Variants in LRRC4C observed in about 807,000 individuals in gnomAD.
LRRC4C encodes the protein leucine-rich repeat-containing protein 4C.
In LRRC4C, 5 loss-of-function variants were observed where a neutral mutation model predicts 33.6. The ratio of observed to expected loss-of-function variants is 0.15; its 90% CI spans 0.08 to 0.31. The LOEUF (loss-of-function observed/expected upper bound fraction) is 0.31. LRRC4C is among the 10% of genes least tolerant of loss of function. The pLI, the probability that LRRC4C is intolerant of heterozygous loss-of-function variation, is 1.00. For synonymous variants in LRRC4C, 329 were observed against 302.0 expected, an observed-to-expected ratio of 1.09 and a Z score of -0.93; for missense variants, 560 against 796.7, an observed-to-expected ratio of 0.70 and a Z score of 3.58.
At chr11:41,025,846 T>C (rs934709565) in intron 1 of LRRC4C, among the ~76,000 whole-genome samples, 3 of 151,786 alleles carry the variant, frequency 2.0e-5, no homozygotes, top group African/African-American at 7.2e-5. Flanking sequence ...CTGTGTTCTA[T>C]AAATGGAACC....
intron 5 of LRRC4C, among the ~76,000 whole-genome samples, chr11:40,218,052 T>A (rs1311415651): frequency 2.6e-5 from 4 of 152,148 alleles, no homozygotes; most frequent in Admixed American, 2.0e-4. Context: ...GTCAATATAA[T>A]TGAGAAGGTT....
chr11:40,774,138 C>T (rs917684477), intron 2 of LRRC4C, among the ~76,000 whole-genome samples: 6 of 152,018 alleles, frequency 3.9e-5, no homozygotes, highest in Non-Finnish European at 8.8e-5. Context: ...TTTCACTTAG[C>T]ATAATATCTT....
intron 2 of LRRC4C, among the ~76,000 whole-genome samples, chr11:40,710,796 C>T (rs1169666035): frequency 6.6e-6 from 1 of 152,210 alleles, no homozygotes; most frequent in Non-Finnish European, 1.5e-5. Context: ...CTATACCCTG[C>T]CCCCAGAGGT....
At chr11:40,595,763 G>T (rs1477357684) in intron 3 of LRRC4C, among the ~76,000 whole-genome samples, 2 of 152,052 alleles carry the variant, frequency 1.3e-5, no homozygotes, top group Non-Finnish European at 2.9e-5. Flanking sequence ...GAAATAGCCT[G>T]TGTATATTTC....
chr11:40,351,374 G>T (rs1796274965), intron 3 of LRRC4C, among the ~76,000 whole-genome samples: 1 of 151,824 alleles, frequency 6.6e-6, no homozygotes, highest in Non-Finnish European at 1.5e-5. Context: ...TGTGCATTCT[G>T]CAGCTACTGG....
intron 1 of LRRC4C, among the ~76,000 whole-genome samples, chr11:41,442,378 T>A (rs1257775197): frequency 6.6e-6 from 1 of 150,710 alleles, no homozygotes; most frequent in Non-Finnish European, 1.5e-5. Context: ...TATGAAAAAA[T>A]AATGGCAAAT....
chr11:40,921,578 C>G (rs904397053), intron 2 of LRRC4C, among the ~76,000 whole-genome samples: 13 of 152,050 alleles, frequency 8.5e-5, no homozygotes, highest in African/African-American at 2.7e-4. Context: ...TTCTGTCAGA[C>G]AGGATTATAA....
intron 3 of LRRC4C, among the ~76,000 whole-genome samples, chr11:40,458,849 G>A (rs1252271662): frequency 6.6e-6 from 1 of 152,092 alleles, no homozygotes; most frequent in African/African-American, 2.4e-5. Flanking sequence ...CAGAGAGAAT[G>A]TTTTCCTAGG....
chr11:40,259,939 C>T (rs1042694343), intron 4 of LRRC4C, among the ~76,000 whole-genome samples: 2 of 150,426 alleles, frequency 1.3e-5, no homozygotes, highest in African/African-American at 4.9e-5. Context: ...AATAGGAACA[C>T]TTTTACACTG....
chr11:41,117,778 C>G (rs1159972505), intron 1 of LRRC4C, among the ~76,000 whole-genome samples: 38 of 151,954 alleles, frequency 2.5e-4, no homozygotes, highest in Non-Finnish European at 8.8e-5. Flanking sequence ...AGGACCATTT[C>G]AAAAATGAGA....
At chr11:41,115,598 C>T (rs753246264) in intron 1 of LRRC4C, among the ~76,000 whole-genome samples, 1 of 151,908 alleles carries the variant, frequency 6.6e-6, no homozygotes, top group African/African-American at 2.4e-5. Context: ...TAATAGTGTA[C>T]CCAGTTTAAA....
chr11:41,175,481 C>A (rs770528642), intron 1 of LRRC4C, among the ~76,000 whole-genome samples: 6 of 152,046 alleles, frequency 3.9e-5, no homozygotes, highest in Non-Finnish European at 8.8e-5. Context: ...GCTGTTGGAA[C>A]TTCAGTGATC....
intron 2 of LRRC4C, among the ~76,000 whole-genome samples, chr11:40,690,137 A>G (rs1945158844): frequency 6.6e-6 from 1 of 152,062 alleles, no homozygotes; most frequent in Non-Finnish European, 1.5e-5. Flanking sequence ...TTGTTGCCTC[A>G]TACCTAAAAA....
intron 3 of LRRC4C, among the ~76,000 whole-genome samples, chr11:40,342,960 A>G (rs1425737940): frequency 6.6e-6 from 1 of 152,106 alleles, no homozygotes; most frequent in East Asian, 1.9e-4. Flanking sequence ...TTGCCAAATT[A>G]AAAGTGGGCT....
chr11:41,043,321 TG>T (rs1403002635), intron 1 of LRRC4C, among the ~76,000 whole-genome samples: 1 of 152,074 alleles, frequency 6.6e-6, no homozygotes, highest in Non-Finnish European at 1.5e-5. Context: ...AGAAAGAATA[TG>T]TTTTTAAATT....
At chr11:41,272,343 G>C (rs1949348013) in intron 1 of LRRC4C, among the ~76,000 whole-genome samples, 2 of 152,000 alleles carry the variant, frequency 1.3e-5, no homozygotes, top group Admixed American at 1.3e-4. Context: ...AATTAGCATT[G>C]TGGGTGTCTA....
chr11:41,411,140 C>CTTTTTTTTT (rs1249968357), intron 1 of LRRC4C, among the ~76,000 whole-genome samples: 3 of 49,914 alleles, frequency 6.0e-5, no homozygotes, highest in South Asian at 8.9e-4. Flanking sequence ...GGTTGGTACC[C>CTTTTTTTTT]TATTTTTTTT....
chr11:41,172,837 T>C (rs1301026689), intron 1 of LRRC4C, among the ~76,000 whole-genome samples: 1 of 152,038 alleles, frequency 6.6e-6, no homozygotes, highest in Non-Finnish European at 1.5e-5. Context: ...TCTAAGAAAA[T>C]TAAGAATTCT....
At chr11:41,054,867 G>C (rs1313278623) in intron 1 of LRRC4C, among the ~76,000 whole-genome samples, 1 of 152,160 alleles carries the variant, frequency 6.6e-6, no homozygotes, top group Non-Finnish European at 1.5e-5. Flanking sequence ...TATCATGAGA[G>C]CATGTTGGAA....
Sources: gnomAD v4.1 joint callset for allele counts (sites outside exome capture counted in the v4.1 genomes callset) on GRCh38, gnomAD v4.1.1 for gene constraint, MANE v1.5 for transcripts, NCBI Gene and HGNC (gene_info 2026-07-23, HGNC 2026-07-21) for gene names.